The following BNC2 variants were observed in gnomAD, a reference collection of about 807,000 sequenced individuals.
The protein encoded by BNC2 is zinc finger protein basonuclin-2.
Under a neutral mutation model 76.3 loss-of-function variants are expected in BNC2, and 20 were observed. That is an observed-to-expected ratio of 0.26 (90% CI 0.18 to 0.38). BNC2 has a LOEUF of 0.38. Among genes scored for constraint, BNC2 ranks in the 10% least tolerant of loss-of-function variants. The probability of loss-of-function intolerance (pLI) is 1.00; values close to 1 mark genes in which losing one functional copy is unlikely to be tolerated. For missense variants in BNC2, 1,382 were observed against 1,399.8 expected (o/e 0.99, Z 0.20); for synonymous variants, 582 against 514.8 (o/e 1.13, Z -1.77).
intron 1 of BNC2, among the ~76,000 whole-genome samples, chr9:16,762,315 T>C (rs942701304): frequency 1.6e-4 from 25 of 152,338 alleles, no homozygotes; most frequent in South Asian, 4.1e-4. Context: ...TCGTACAAAA[T>C]GCCTTTGAAC....
chr9:16,583,225 T>C, intron 3 of BNC2, 140 bp from the exon 4 acceptor site: 1 of 703,742 alleles, frequency 1.4e-6, no homozygotes, highest in Non-Finnish European at 2.4e-6. Context: ...AAAATAAATT[T>C]AGATATCACC....
intron 1 of BNC2, among the ~76,000 whole-genome samples, chr9:16,865,833 T>C (rs1002568738): frequency 6.6e-6 from 1 of 152,150 alleles, no homozygotes; most frequent in African/African-American, 2.4e-5. Context: ...AGTTAGAATA[T>C]GGGTTCGTAA....
intron 1 of BNC2, among the ~76,000 whole-genome samples, chr9:16,745,441 G>C (rs1437492595): frequency 6.6e-6 from 1 of 152,188 alleles, no homozygotes; most frequent in Admixed American, 6.5e-5. Context: ...AAGAATTAAA[G>C]ATATGGTAAC....
intron 1 of BNC2, among the ~76,000 whole-genome samples, chr9:16,792,699 A>G (rs536495986): frequency 6.6e-6 from 1 of 152,366 alleles, no homozygotes; most frequent in Admixed American, 6.5e-5. Flanking sequence ...AGAAGAGGGA[A>G]AGAATTCGTA....
chr9:16,566,972 C>T (rs927892553), intron 4 of BNC2, among the ~76,000 whole-genome samples: 1 of 152,160 alleles, frequency 6.6e-6, no homozygotes, highest in Non-Finnish European at 1.5e-5. Flanking sequence ...ATACAAGCTC[C>T]TTAAACTGTG....
intron 5 of BNC2, among the ~76,000 whole-genome samples, chr9:16,544,100 CT>C (rs1397157662): frequency 1.3e-5 from 2 of 152,066 alleles, no homozygotes; most frequent in African/African-American, 4.8e-5. Flanking sequence ...ATAATCCCCC[CT>C]TTATGTCAAT....
At chr9:16,550,293 G>C (rs780254435) in intron 5 of BNC2, among the ~76,000 whole-genome samples, 2 of 152,110 alleles carry the variant, frequency 1.3e-5, no homozygotes, top group Non-Finnish European at 2.9e-5. Context: ...GTTAGTGTTA[G>C]TATATTTTAT....
At chr9:16,742,996 G>C (rs954816130) in intron 1 of BNC2, among the ~76,000 whole-genome samples, 10 of 152,184 alleles carry the variant, frequency 6.6e-5, no homozygotes, top group Admixed American at 6.5e-4. Context: ...GACCTCATGA[G>C]TGAGAAAGGA....
chr9:16,600,252 A>C (rs893324246), intron 3 of BNC2, among the ~76,000 whole-genome samples: 1 of 152,188 alleles, frequency 6.6e-6, no homozygotes, highest in African/African-American at 2.4e-5. Flanking sequence ...GGAAAGCACA[A>C]TTCAATATGA....
chr9:16,543,711 ATAGT>A (rs1465862529), intron 5 of BNC2, among the ~76,000 whole-genome samples: 1 of 152,224 alleles, frequency 6.6e-6, no homozygotes, highest in African/African-American at 2.4e-5. Context: ...TGCCGTTCAA[ATAGT>A]TAGAGCTTTG....
chr9:16,540,615 G>A (rs1468896973), intron 5 of BNC2, among the ~76,000 whole-genome samples: 1 of 152,186 alleles, frequency 6.6e-6, no homozygotes, highest in Non-Finnish European at 1.5e-5. Context: ...TGTAAAGGGA[G>A]TTAATGGCCT....
intron 1 of BNC2, among the ~76,000 whole-genome samples, chr9:16,795,320 G>T (rs1817616448): frequency 1.3e-5 from 2 of 151,190 alleles, no homozygotes; most frequent in Admixed American, 6.6e-5. Context: ...CGCCCAATCT[G>T]CACGCCTCTA....
chr9:16,855,689 G>C (rs980818652), intron 1 of BNC2, among the ~76,000 whole-genome samples: 1 of 150,536 alleles, frequency 6.6e-6, no homozygotes, highest in Non-Finnish European at 1.5e-5. Flanking sequence ...AGGCGCCCGC[G>C]ACCACGCCCG....
chr9:16,480,824 C>A (rs1479288367), intron 5 of BNC2, among the ~76,000 whole-genome samples: 2 of 152,168 alleles, frequency 1.3e-5, no homozygotes, highest in African/African-American at 4.8e-5. Flanking sequence ...GCCTGAGCCT[C>A]CCCGACAAGT....
chr9:16,583,931 C>T (rs1430309181), intron 3 of BNC2, among the ~76,000 whole-genome samples: 1 of 152,074 alleles, frequency 6.6e-6, no homozygotes, highest in African/African-American at 2.4e-5. Flanking sequence ...AAAATGAATC[C>T]ATAGAAAATT....
chr9:16,582,957 G>A (rs546044660), intron 4 of BNC2, 26 bp downstream of exon 4: 55 of 1,454,538 alleles, frequency 3.8e-5, no homozygotes, highest in Non-Finnish European at 4.6e-5. Flanking sequence ...AATAAGAACG[G>A]GAAGAAAAGC....
intron 5 of BNC2, among the ~76,000 whole-genome samples, chr9:16,529,760 A>G (rs556741024): frequency 6.6e-6 from 1 of 152,278 alleles, no homozygotes; most frequent in South Asian, 2.1e-4. Context: ...CCTTAATCCA[A>G]CCTTCTATGA....
chr9:16,558,760 C>A (rs780924019), intron 4 of BNC2, among the ~76,000 whole-genome samples: 1 of 151,900 alleles, frequency 6.6e-6, no homozygotes, highest in Admixed American at 6.6e-5. Context: ...GAAACCACGT[C>A]TCTACTAAAA....
chr9:16,435,809 A>G lies in BNC2; in HGVS notation c.2385T>C (p.Asn795=), dbSNP rs1260298390. The G allele has an allele frequency of 1.2e-6, 2 of 1,614,024 alleles. No individual in the cohort carries two copies. Among genetic ancestry groups the G allele is most frequent in the African/African-American group, 2.7e-5 (2 of 74,916 alleles). ...AGGCGGCCATGCTGGCACCCCCACC[A>G]TTGTACAGTCCATACTGGCTCATGT... ...MFYMSQYGLY[N]GGGASMAALH... Residue 795 remains asparagine, a synonymous_variant, in exon 6 of 7, where the codon AAT becomes AAC. Transcript: ENST00000380672.
Sources: gnomAD v4.1 joint callset for allele counts (sites outside exome capture counted in the v4.1 genomes callset) on GRCh38, gnomAD v4.1.1 for gene constraint, MANE v1.5 for transcripts, NCBI Gene and HGNC (gene_info 2026-07-23, HGNC 2026-07-21) for gene names.